CPNE9: variants seen among roughly 807,000 people sequenced by gnomAD.
CPNE9 encodes the protein copine family member 9, also known as copine-9.
Under a neutral mutation model 83.0 loss-of-function variants are expected in CPNE9, and 59 were observed. The ratio of observed to expected loss-of-function variants is 0.71; its 90% confidence interval spans 0.58 to 0.88. CPNE9 has a LOEUF of 0.88. CPNE9 is among the 40% of genes least tolerant of loss of function. The pLI is 0.00. For synonymous variants in CPNE9, 256 were observed against 273.4 expected, an observed-to-expected ratio of 0.94 and a Z score of 0.63; for missense variants, 619 against 720.8, an observed-to-expected ratio of 0.86 and a Z score of 1.62.
At position 9,708,673 on chromosome 3, in the gene CPNE9, A is replaced by G. The variant is rs1056906527; in HGVS notation, c.377+2610A>G. On this transcript the variant is annotated intron_variant, in intron 7 of 20. Transcript: ENST00000383832. ...TTTTGAGACGGAGTCTCGCTCTGTC[A>G]CCCAGCTGGAGTGCAGTGGGGAGAT... Among the ~76,000 whole-genome samples, 265 of 150,906 alleles carry G rather than the reference A, an allele frequency of 1.8e-3. 3 individuals carry two copies. The highest frequency in any genetic ancestry group is 4.7e-4 in the Non-Finnish European group (32 of 67,928).
Position 9,706,051 on chromosome 3 carries a change from A to C in CPNE9, c.365A>C (p.Glu122Ala). The change falls in exon 7 of 21, where the codon GAG (glutamate) becomes GCG (alanine). Residue 122 changes from glutamate (E) to alanine (A), a missense_variant. By Grantham distance (107) the Glu-to-Ala change is moderately radical (BLOSUM62 -1). Transcript: ENST00000383832. ...EVIGGQGSRV[E>A]RTLTGVPGKK... is the part of the protein sequence containing the mutation. ...ATTGGAGGCCAGGGCAGCCGAGTAGAGCGAACCCTCACGTAAGCTGAATAG... is the reference window on the plus strand; with the variant it reads ...ATTGGAGGCCAGGGCAGCCGAGTAGCGCGAACCCTCACGTAAGCTGAATAG... 6.2e-7 allele frequency: 1 copy of C among 1,613,418 alleles called. No individual in the cohort carries two copies. The highest frequency in any genetic ancestry group is 8.5e-7 in the Non-Finnish European group (1 of 1,179,956).
intron 11 of CPNE9, 90 bp from the exon 12 acceptor site, chr3:9,715,199 G>A: frequency 1.4e-6 from 2 of 1,399,312 alleles, no homozygotes; most frequent in Non-Finnish European, 2.0e-6. Context: ...GCCTAAGTAG[G>A]GGCTTAGGAT....
chr3:9,724,725 TATCTATC>T (rs1315002105), intron 17 of CPNE9, among the ~76,000 whole-genome samples: 1 of 46,554 alleles, frequency 2.1e-5, no homozygotes, highest in African/African-American at 1.7e-4. Context: ...GGATCCTATC[TATCTATC>T]TATCTATCTA....
At chr3:9,705,321 C>T (rs1333435040) in intron 4 of CPNE9, 143 bp from the exon 5 acceptor site, 2 of 694,180 alleles carry the variant, frequency 2.9e-6, no homozygotes, top group Admixed American at 4.9e-5. Context: ...CCTGACTCCT[C>T]CCCAAAAGGA....
chr3:9,705,624 C>T, intron 5 of CPNE9, 94 bp from the exon 6 acceptor site: 1 of 1,568,154 alleles, frequency 6.4e-7, no homozygotes. Context: ...CCCAACCCAC[C>T]CTCCTGGTCC....
At chr3:9,727,231 A>G in intron 20 of CPNE9, 45 bp downstream of exon 20, 1 of 1,605,502 alleles carries the variant, frequency 6.2e-7, no homozygotes, top group Non-Finnish European at 8.5e-7. Context: ...AGGCACAGTG[A>G]GAAGAGGCTA....
intron 4 of CPNE9, 45 bp from the exon 5 acceptor site, chr3:9,705,419 T>G: frequency 1.5e-6 from 1 of 662,636 alleles, no homozygotes; most frequent in Non-Finnish European, 2.7e-6. Context: ...TTCCACCCTC[T>G]CCCCCACCCA....
At chr3:9,718,660 C>A in intron 17 of CPNE9, 58 bp downstream of exon 17, 1 of 1,579,290 alleles carries the variant, frequency 6.3e-7, no homozygotes. Flanking sequence ...GGGATTGACC[C>A]CCCAAGGATA....
Position 9,704,017 on chromosome 3 carries a change from C to T in CPNE9, c.21C>T (p.Ser7=), listed in dbSNP as rs1293182076. MSLGGA[S]ERSVPATKIE... is the part of the protein sequence containing the mutation. ...CAGCCATGTCTCTCGGCGGAGCCTCCGAGCGCAGCGTCCCGGCCACCAAGA... is the reference window on the plus strand; with the variant it reads ...CAGCCATGTCTCTCGGCGGAGCCTCTGAGCGCAGCGTCCCGGCCACCAAGA... The change falls in exon 1 of 21, where the codon TCC becomes TCT. Residue 7 remains serine (S), a synonymous_variant. Coordinates refer to ENST00000383832, the MANE Select transcript of CPNE9 (RefSeq NM_153635.3). This position sits in a 1 kb window ranked among gnomAD's most constrained non-coding sequence, Gnocchi z 7.1. The T allele has an allele frequency of 1.2e-6, 2 of 1,607,562 alleles. No homozygotes were observed. The highest frequency in any genetic ancestry group is 1.3e-5 in the African/African-American group (1 of 74,954).
intron 17 of CPNE9, among the ~76,000 whole-genome samples, chr3:9,722,161 C>CCG (rs1024414558): frequency 3.5e-5 from 3 of 86,308 alleles, no homozygotes; most frequent in African/African-American, 1.2e-4. Context: ...AGGTGATCCA[C>CCG]CCCCCCCCGC....
intron 7 of CPNE9, among the ~76,000 whole-genome samples, 160 bp from the exon 8 acceptor site, chr3:9,712,381 A>T (rs914822857): frequency 6.6e-6 from 1 of 152,116 alleles, no homozygotes; most frequent in Non-Finnish European, 1.5e-5. Flanking sequence ...GACCCCACCC[A>T]GTCAAAGTGA....
chr3:9,725,664 G>GTA (rs1173002215), intron 17 of CPNE9, among the ~76,000 whole-genome samples: 61 of 91,552 alleles, frequency 6.7e-4, no homozygotes, highest in South Asian at 9.8e-4. Context: ...GTGTATATAT[G>GTA]TATATATATG....
chr3:9,717,658 G>A (rs1399810105), intron 15 of CPNE9, among the ~76,000 whole-genome samples: 2 of 151,802 alleles, frequency 1.3e-5, no homozygotes, highest in African/African-American at 4.9e-5. Flanking sequence ...AAAATGGCAA[G>A]TAGACAAGTG....
At chr3:9,728,010 G>A (rs2076798833) in intron 20 of CPNE9, among the ~76,000 whole-genome samples, 1 of 152,202 alleles carries the variant, frequency 6.6e-6, no homozygotes, top group South Asian at 2.1e-4. Flanking sequence ...GGATGACTCA[G>A]TATTCTAGCT....
At position 9,717,084 on chromosome 3, in the gene CPNE9, T is replaced by C. The variant is rs770133343; in HGVS notation, c.911T>C (p.Ile304Thr). ...ACACAGCTGAACTTCACAGTAGCCA[T>C]TGACTTCACGGCTTCCAATGGTGAG... ...GGTQLNFTVA[I>T]DFTASNGNPL... Residue 304 changes from isoleucine to threonine, a missense_variant, in exon 15 of 21, where the codon ATT becomes ACT. By Grantham distance (89) the Ile-to-Thr change is moderately conservative. Around this residue, in one of 3 missense-constraint regions of CPNE9, gnomAD observed 438 missense variants for 562.9 expected, o/e 0.78. Coordinates refer to ENST00000383832, the MANE Select transcript of CPNE9 (RefSeq NM_153635.3). 3.2e-5 allele frequency: 52 copies of C among 1,614,076 alleles called. No homozygotes were observed. Among genetic ancestry groups the C allele is most frequent in the Admixed American group, 2.7e-4 (16 of 60,002 alleles).
At chr3:9,709,356 A>G (rs1391027928) in intron 7 of CPNE9, among the ~76,000 whole-genome samples, 4 of 149,032 alleles carry the variant, frequency 2.7e-5, no homozygotes, top group Admixed American at 2.0e-4. Flanking sequence ...GTCAAGAATA[A>G]GTTTATAATT....
intron 15 of CPNE9, 40 bp from the exon 16 acceptor site, chr3:9,717,989 T>G (rs1383123773): frequency 3.2e-6 from 5 of 1,550,378 alleles, no homozygotes; most frequent in Non-Finnish European, 4.4e-6. Flanking sequence ...AGATGGATGA[T>G]CCAGATGATC....
chr3:9,726,832 G>T, intron 19 of CPNE9, 110 bp downstream of exon 19: 1 of 989,314 alleles, frequency 1.0e-6, no homozygotes, highest in Non-Finnish European at 1.6e-6. Flanking sequence ...ACACCCCCGT[G>T]TGAAGCCTTG....
At chr3:9,729,055 A>G (rs1185797999) in intron 20 of CPNE9, among the ~76,000 whole-genome samples, 1 of 152,222 alleles carries the variant, frequency 6.6e-6, no homozygotes, top group Admixed American at 6.5e-5. Flanking sequence ...CCAGGTTTAG[A>G]GAGCAGATAG....
Sources: allele counts gnomAD v4.1 joint callset (sites outside exome capture counted in the v4.1 genomes callset), GRCh38; gene constraint gnomAD v4.1.1; regional missense constraint gnomAD v4.1.1; non-coding constraint Gnocchi (gnomAD v3.1); transcripts MANE v1.5; gene names NCBI Gene and HGNC (gene_info 2026-07-23, HGNC 2026-07-21).